Variants in PRDM11 observed in about 807,000 individuals in gnomAD.
PRDM11 encodes the protein PR/SET domain 11.
A neutral mutation model predicts 97.8 loss-of-function variants in PRDM11; 20 were observed. The ratio of observed to expected loss-of-function variants is 0.20; its 90% CI spans 0.14 to 0.30. The LOEUF (loss-of-function observed/expected upper bound fraction) is 0.30, where lower values mean the gene tolerates loss of function less well. Ranked by LOEUF, PRDM11 falls within the 10% of genes least tolerant of loss-of-function variation. The pLI, the probability that PRDM11 is intolerant of heterozygous loss-of-function variation, is 1.00. For synonymous variants in PRDM11, 599 were observed against 637.7 expected (o/e 0.94, Z 0.91); for missense variants, 1,139 against 1,555.2 (o/e 0.73, Z 4.50).
intron 1 of PRDM11, among the ~76,000 whole-genome samples, chr11:45,163,490 G>GGT (rs1851981135): frequency 6.6e-6 from 1 of 151,740 alleles, no homozygotes; most frequent in Non-Finnish European, 1.5e-5. Flanking sequence ...CTTGAGGATG[G>GGT]GGGGGGGTAC....
At chr11:45,194,453 G>A (rs1049493761) in intron 4 of PRDM11, among the ~76,000 whole-genome samples, 3 of 151,994 alleles carry the variant, frequency 2.0e-5, no homozygotes, top group Non-Finnish European at 4.4e-5. Flanking sequence ...AAACCCCAGT[G>A]GGTCCTCCAA....
intron 1 of PRDM11, among the ~76,000 whole-genome samples, chr11:45,106,004 T>C (rs1852055641): frequency 6.6e-6 from 1 of 152,094 alleles, no homozygotes; most frequent in Admixed American, 6.5e-5. Flanking sequence ...CTTTGCAAAC[T>C]CAAATGTGCA....
chr11:45,186,615 G>T (rs1371994513), intron 4 of PRDM11, among the ~76,000 whole-genome samples: 1 of 152,170 alleles, frequency 6.6e-6, no homozygotes, highest in Non-Finnish European at 1.5e-5. Flanking sequence ...GGCAGGAGCA[G>T]TCTCATGGGC....
At chr11:45,178,519 T>C (rs535808585) in intron 1 of PRDM11, among the ~76,000 whole-genome samples, 1 of 152,180 alleles carries the variant, frequency 6.6e-6, no homozygotes, top group Non-Finnish European at 1.5e-5. Context: ...CGGAGATCAC[T>C]GGAAGAGAGC....
At chr11:45,201,420 A>T (rs1853321378) in intron 4 of PRDM11, among the ~76,000 whole-genome samples, 1 of 151,956 alleles carries the variant, frequency 6.6e-6, no homozygotes. Flanking sequence ...ACATTTTATA[A>T]TTTTTTCTTC....
intron 4 of PRDM11, 44 bp from the exon 5 acceptor site, chr11:45,204,667 C>G: frequency 6.5e-7 from 1 of 1,546,010 alleles, no homozygotes. Context: ...GACATGAGAA[C>G]CCCTCTAGAA....
At chr11:45,208,879 T>A (rs899111581) in intron 5 of PRDM11, 1 of 443,592 alleles carries the variant, frequency 2.3e-6, no homozygotes, top group African/African-American at 2.0e-5. Context: ...CCAAGGAATG[T>A]GGCACACCTG....
At position 45,227,544 on chromosome 11, in the gene PRDM11, G is replaced by A; in HGVS notation, c.2919G>A (p.Gln973=). The A allele has an allele frequency of 6.5e-7, 1 of 1,533,932 alleles. No homozygotes were observed. Among genetic ancestry groups the A allele is most frequent in the South Asian group, 1.2e-5 (1 of 83,962 alleles). Residue 973 remains glutamine (Q), a synonymous_variant, in exon 8 of 8, where the codon CAG becomes CAA. Transcript: ENST00000683152. This position sits in a 1 kb window ranked among gnomAD's most constrained non-coding sequence, Gnocchi z 8.0. ...AGAAGACCCAGGTCATCCTGGCTCA[G>A]AGGTTCGACTCCCGCAGCCGGATCT... ...ICQKTQVILA[Q]RFDSRSRIFV... is the part of the protein sequence containing the mutation.
intron 4 of PRDM11, among the ~76,000 whole-genome samples, chr11:45,204,307 C>T (rs1853431536): frequency 6.6e-6 from 1 of 152,182 alleles, no homozygotes; most frequent in Admixed American, 6.5e-5. Flanking sequence ...CTGTCTCCCA[C>T]AGAAACTGTA....
chr11:45,095,983 C>T (rs1365600310), intron 1 of PRDM11: 1 of 728,208 alleles, frequency 1.4e-6, no homozygotes, highest in African/African-American at 1.7e-5. Flanking sequence ...ACTCTTCCTC[C>T]AGATCTTTAT....
chr11:45,219,789 A>G lies in PRDM11; in HGVS notation c.742+32A>G, dbSNP rs560668498. The G allele has an allele frequency of 1.6e-5, 25 of 1,591,210 alleles. No individual in the cohort carries two copies. Among genetic ancestry groups the G allele is most frequent in the Non-Finnish European group, 1.9e-5 (22 of 1,166,626 alleles). On this transcript the variant is annotated intron_variant, in intron 6 of 7. Transcript: ENST00000683152. The surrounding 1 kb of genome is among the most constrained non-coding windows in gnomAD (Gnocchi z 4.2). ...GCCATGCTCCACATGAGCTGCGCCCACCTCTGAGCCCCAGGGGAGGCCTGG... is the reference window on the plus strand; with the variant it reads ...GCCATGCTCCACATGAGCTGCGCCCGCCTCTGAGCCCCAGGGGAGGCCTGG...
chr11:45,214,571 G>C (rs1347304506), intron 5 of PRDM11: 1 of 152,116 alleles, frequency 6.6e-6, no homozygotes, highest in African/African-American at 2.4e-5. Flanking sequence ...CCCATTCTGT[G>C]GTTCTTTGGG....
rs958524482 is a variant in PRDM11 at position 45,226,577 on chromosome 11, G to A, written c.1952G>A (p.Arg651His). 295 of 1,533,798 alleles carry A rather than the reference G, an allele frequency of 1.9e-4. No homozygotes were observed. Among genetic ancestry groups the A allele is most frequent in the Non-Finnish European group, 2.4e-4 (280 of 1,146,742 alleles). Residue 651 changes from arginine (R) to histidine (H), a missense_variant, in exon 8 of 8, where the codon CGC (arginine) becomes CAC (histidine). Transcript: ENST00000683152. ...GCCCTGCGGGAAGACCTGGTGGAGC[G>A]CATCCGCCAGTCACCTTGCCTCAGC... ...ARALREDLVE[R>H]IRQSPCLSVI...
At chr11:45,209,239 C>A in intron 5 of PRDM11, 2 of 398,188 alleles carry the variant, frequency 5.0e-6, no homozygotes, top group Non-Finnish European at 5.1e-6. Flanking sequence ...ACGGCCCGTG[C>A]AGGGCGCGGC....
chr11:45,153,568 C>G (rs1851714336), intron 1 of PRDM11, among the ~76,000 whole-genome samples: 1 of 152,226 alleles, frequency 6.6e-6, no homozygotes, highest in Non-Finnish European at 1.5e-5. Flanking sequence ...ATGCCTCTTG[C>G]TGGCGATGGG....
intron 1 of PRDM11, among the ~76,000 whole-genome samples, chr11:45,133,694 C>A: frequency 6.6e-6 from 1 of 152,174 alleles, no homozygotes; most frequent in East Asian, 1.9e-4. Context: ...GCATGTGCAG[C>A]ACTAATGATA....
At chr11:45,191,804 G>GTTT (rs1219966184) in intron 4 of PRDM11, among the ~76,000 whole-genome samples, 6 of 102,982 alleles carry the variant, frequency 5.8e-5, no homozygotes, top group Non-Finnish European at 1.5e-4. Context: ...GCCAAACTAG[G>GTTT]TTTTATTATT....
intron 1 of PRDM11, among the ~76,000 whole-genome samples, chr11:45,169,520 C>T (rs970156182): frequency 1.3e-5 from 2 of 152,246 alleles, no homozygotes; most frequent in African/African-American, 4.8e-5. Context: ...TCATTTATTT[C>T]TCATAACAGC....
intron 1 of PRDM11, among the ~76,000 whole-genome samples, chr11:45,174,356 G>A (rs1379172987): frequency 2.0e-5 from 3 of 152,178 alleles, no homozygotes; most frequent in African/African-American, 7.2e-5. Context: ...GCTAACCAGT[G>A]TATTAACTCT....
Sources: gnomAD v4.1 joint callset for allele counts (sites outside exome capture counted in the v4.1 genomes callset) on GRCh38, gnomAD v4.1.1 for gene constraint, Gnocchi (gnomAD v3.1) non-coding constraint, MANE v1.5 for transcripts, NCBI Gene and HGNC (gene_info 2026-07-23, HGNC 2026-07-21) for gene names.